The following CAPZA2 variants were observed in gnomAD, a reference collection of about 807,000 sequenced individuals.
CAPZA2 encodes F-actin-capping protein subunit alpha-2.
A neutral mutation model predicts 44.0 loss-of-function variants in CAPZA2; 13 were observed. The observed-to-expected ratio is 0.30, with a 90% CI of 0.19 to 0.47. CAPZA2 has a LOEUF of 0.47. Ranked by LOEUF, CAPZA2 falls within the 20% of genes least tolerant of loss-of-function variation. The pLI is 1.00. For synonymous variants in CAPZA2, 94 were observed against 108.2 expected (o/e 0.87, Z 0.81); for missense variants, 244 against 338.6 (o/e 0.72, Z 2.19).
chr7:116,885,257 T>TTG (rs1796748174), intron 1 of CAPZA2, among the ~76,000 whole-genome samples: 1 of 152,080 alleles, frequency 6.6e-6, no homozygotes, highest in African/African-American at 2.4e-5. Flanking sequence ...TAGTTTTTTT[T>TTG]TTGTTGTTGT....
At chr7:116,915,040 A>C (rs1791661198) in intron 8 of CAPZA2, among the ~76,000 whole-genome samples, 1 of 152,050 alleles carries the variant, frequency 6.6e-6, no homozygotes, top group Non-Finnish European at 1.5e-5. Flanking sequence ...CATTTCGGGA[A>C]GCTGAGGTAG....
intron 6 of CAPZA2, among the ~76,000 whole-genome samples, chr7:116,908,830 G>A (rs557140000): frequency 2.6e-5 from 4 of 152,120 alleles, no homozygotes; most frequent in African/African-American, 9.6e-5. Flanking sequence ...AAAAATCTTG[G>A]ATGAGTCACT....
At chr7:116,903,582 A>T (rs1428717403) in intron 4 of CAPZA2, among the ~76,000 whole-genome samples, 1 of 152,242 alleles carries the variant, frequency 6.6e-6, no homozygotes, top group African/African-American at 2.4e-5. Flanking sequence ...ACAAAATATC[A>T]GATTATACAT....
intron 1 of CAPZA2, among the ~76,000 whole-genome samples, chr7:116,868,408 T>C (rs1796509030): frequency 6.6e-6 from 1 of 152,170 alleles, no homozygotes; most frequent in Admixed American, 6.5e-5. Context: ...TAAGCTGCCA[T>C]TGTATTTCAT....
chr7:116,890,290 A>C (rs1796813982), intron 2 of CAPZA2, among the ~76,000 whole-genome samples: 1 of 151,794 alleles, frequency 6.6e-6, no homozygotes, highest in African/African-American at 2.4e-5. Flanking sequence ...TGAGCCTATT[A>C]AATAGGCCTG....
At chr7:116,908,810 A>AG (rs1215902887) in intron 6 of CAPZA2, among the ~76,000 whole-genome samples, 1 of 152,140 alleles carries the variant, frequency 6.6e-6, no homozygotes, top group Non-Finnish European at 1.5e-5. Context: ...TTTCCAACCA[A>AG]CCTTCTTTGA....
chr7:116,899,469 T>C (rs1286367807), intron 4 of CAPZA2, among the ~76,000 whole-genome samples: 1 of 151,838 alleles, frequency 6.6e-6, no homozygotes, highest in East Asian at 1.9e-4. Flanking sequence ...GTCAAAGCTT[T>C]TATTTGGCAT....
chr7:116,916,043 GTT>G lies in CAPZA2; in HGVS notation c.658-5_658-4del, dbSNP rs749652713. 1.9e-4 allele frequency: 224 copies of G among 1,172,626 alleles called. No individual in the cohort carries two copies. The highest frequency in any genetic ancestry group is 5.0e-4 in the East Asian group (16 of 32,248). 72.6% of individuals were successfully genotyped at this position (1,172,626 alleles called of 1,614,324 possible). ...AGTTTTAAATTACTATTTTTATTTTGTTTTTTTTTTTTTCAGAATGAAGTGCA... is the reference window on the plus strand; with the variant it reads ...AGTTTTAAATTACTATTTTTATTTTGTTTTTTTTTTTCAGAATGAAGTGCA... On this transcript the variant is annotated splice_polypyrimidine_tract_variant and intron_variant, in intron 8 of 9. Transcript: ENST00000361183.
At chr7:116,909,808 G>C (rs12670264) in intron 6 of CAPZA2, 39,763 of 170,750 alleles carry the variant, frequency 0.23, 4,807 homozygotes, top group East Asian at 0.41. Context: ...TGAAGAAGTA[G>C]CTTAAAATTT....
At chr7:116,901,883 G>GTGTGTA (rs1797000130) in intron 4 of CAPZA2, among the ~76,000 whole-genome samples, 1 of 49,942 alleles carries the variant, frequency 2.0e-5, no homozygotes, top group Non-Finnish European at 3.9e-5. Flanking sequence ...ACGAAGAAAT[G>GTGTGTA]TGTGTGTGTG....
intron 3 of CAPZA2, among the ~76,000 whole-genome samples, chr7:116,894,690 C>G (rs1796901839): frequency 6.6e-6 from 1 of 152,110 alleles, no homozygotes; most frequent in African/African-American, 2.4e-5. Context: ...CCCAGGCAAC[C>G]ATTATTCAAC....
intron 8 of CAPZA2, 47 bp from the exon 9 acceptor site, chr7:116,916,009 TAGTG>T (rs1029892123): frequency 4.5e-5 from 54 of 1,198,498 alleles, no homozygotes; most frequent in Non-Finnish European, 5.8e-5. Flanking sequence ...TTTAAAATAA[TAGTG>T]GTTTAGTTTT....
At chr7:116,909,941 A>G (rs1393749413) in intron 6 of CAPZA2, 2 of 339,760 alleles carry the variant, frequency 5.9e-6, no homozygotes, top group Non-Finnish European at 1.1e-5. Context: ...ATTAGTGGCA[A>G]ACAGCACTGC....
intron 2 of CAPZA2, 165 bp downstream of exon 2, chr7:116,888,355 GTATT>G (rs1401657242): frequency 3.0e-5 from 14 of 473,206 alleles, no homozygotes; most frequent in African/African-American, 6.0e-5. Context: ...AGAATATAAT[GTATT>G]TATTTATATA....
intron 1 of CAPZA2, among the ~76,000 whole-genome samples, chr7:116,869,461 A>G (rs1330072481): frequency 6.6e-6 from 1 of 152,216 alleles, no homozygotes; most frequent in East Asian, 1.9e-4. Context: ...TCATTCATTT[A>G]CTAAATATAC....
intron 9 of CAPZA2, among the ~76,000 whole-genome samples, chr7:116,916,358 G>A (rs1791678881): frequency 6.6e-6 from 1 of 152,240 alleles, no homozygotes. Context: ...CGAGCGCGGA[G>A]GCTCACGCCT....
Position 116,862,603 on chromosome 7 carries a change from A to C in CAPZA2, c.-9A>C, listed in dbSNP as rs1562954689. On this transcript the variant is annotated 5_prime_UTR_variant, in exon 1 of 10. Transcript: ENST00000361183. Reference sequence around the variant, plus strand: ...GCCGCCGCCGCCGCGGTTTGTCGCCAGAAGGAAGATGGCGGATCTGGAGGA... The same window carrying C: ...GCCGCCGCCGCCGCGGTTTGTCGCCCGAAGGAAGATGGCGGATCTGGAGGA... 2 of 1,537,988 alleles carry C rather than the reference A, an allele frequency of 1.3e-6. No individual in the cohort carries two copies. Among genetic ancestry groups the C allele is most frequent in the East Asian group, 2.6e-5 (1 of 38,894 alleles).
rs187794025 is a variant in CAPZA2, at chr7:116,893,265, G to A, written c.155+220G>A. On this transcript the variant is annotated intron_variant, in intron 3 of 9. Coordinates refer to ENST00000361183, the MANE Select transcript of CAPZA2 (RefSeq NM_006136.3). ...TCTGCCTCAGCCTCCCGAGTAGCTG[G>A]GACTACAGGCGCGCACCACCACGCC... Among the ~76,000 whole-genome samples the A allele has an allele frequency of 5.4e-3, 816 of 152,154 alleles. 8 individuals carry two copies. The highest frequency in any genetic ancestry group is 0.019 in the African/African-American group (789 of 41,474).
chr7:116,911,346 C>T (rs557507274), intron 7 of CAPZA2, among the ~76,000 whole-genome samples: 65 of 152,294 alleles, frequency 4.3e-4, no homozygotes, highest in Non-Finnish European at 5.9e-4. Context: ...GGATATGTTA[C>T]TTGACTATGT....
Sources: allele counts gnomAD v4.1 joint callset (sites outside exome capture counted in the v4.1 genomes callset), GRCh38; gene constraint gnomAD v4.1.1; transcripts MANE v1.5; gene names NCBI Gene and HGNC (gene_info 2026-07-23, HGNC 2026-07-21).